The following RANBP2 variants were observed in gnomAD, a reference collection of about 807,000 sequenced individuals.
RANBP2 encodes the protein E3 SUMO-protein ligase RanBP2.
Under a neutral mutation model 303.6 loss-of-function variants are expected in RANBP2, and 57 were observed. The observed-to-expected ratio is 0.19, with a 90% CI of 0.15 to 0.23. The LOEUF (loss-of-function observed/expected upper bound fraction) is 0.23, where lower values mean the gene tolerates loss of function less well. RANBP2 is among the 10% of genes least tolerant of loss of function. RANBP2 has a pLI of 1.00. For missense variants in RANBP2, 3,138 were observed against 3,780.8 expected, an observed-to-expected ratio of 0.83 and a Z score of 4.46; for synonymous variants, 1,167 against 1,301.5, an observed-to-expected ratio of 0.90 and a Z score of 2.23.
chr2:109,043,372 T>G, the RANBP2 span, among the ~76,000 whole-genome samples: 1 of 152,226 alleles, frequency 6.6e-6, no homozygotes, highest in Non-Finnish European at 1.5e-5. Flanking sequence ...AGACGGAGTC[T>G]TCTTCTGTCC....
chr2:109,276,713 C>T, the RANBP2 span, among the ~76,000 whole-genome samples: 1 of 152,144 alleles, frequency 6.6e-6, no homozygotes, highest in Non-Finnish European at 1.5e-5. Context: ...TGTTTTAAAT[C>T]ACATTATTCC....
chr2:108,855,323 A>G, the RANBP2 span, among the ~76,000 whole-genome samples: 1 of 152,288 alleles, frequency 6.6e-6, no homozygotes, highest in South Asian at 2.1e-4. Context: ...TAGTCAGCCT[A>G]TTTTTAAAAA....
chr2:109,568,034 G>A, the RANBP2 span: 1 of 1,349,866 alleles, frequency 7.4e-7, no homozygotes, highest in African/African-American at 1.5e-5. Context: ...TAATCCTGCA[G>A]CTGTTTTTTC....
At chr2:109,466,795 A>ATCTATATGTGTGTATG in the RANBP2 span, among the ~76,000 whole-genome samples, 4,570 of 151,794 alleles carry the variant, frequency 0.03, 97 homozygotes, top group African/African-American at 0.053. Context: ...GCATGTGTGT[A>ATCTATATGTGTGTATG]TCTATATGTG....
the RANBP2 span, among the ~76,000 whole-genome samples, chr2:109,657,676 T>A: frequency 6.6e-6 from 1 of 150,672 alleles, no homozygotes; most frequent in Admixed American, 6.6e-5. Context: ...CAGAGGAAAC[T>A]GAACCGATGG....
chr2:108,929,340 C>G, the RANBP2 span: 51 of 1,614,022 alleles, frequency 3.2e-5, no homozygotes, highest in Non-Finnish European at 4.3e-5. Context: ...GGGCAGGGGA[C>G]GCAGCCGTAG....
chr2:109,152,408 A>G, the RANBP2 span, among the ~76,000 whole-genome samples: 1 of 152,226 alleles, frequency 6.6e-6, no homozygotes, highest in African/African-American at 2.4e-5. Flanking sequence ...AATCAAATAA[A>G]TAATTCTGGG....
the RANBP2 span, among the ~76,000 whole-genome samples, chr2:109,054,208 TCCCTGGAGC>T: frequency 6.6e-6 from 1 of 152,096 alleles, no homozygotes; most frequent in Non-Finnish European, 1.5e-5. Context: ...TTAACAGACC[TCCCTGGAGC>T]CCCTGCTTTT....
chr2:109,699,377 A>C, the RANBP2 span, among the ~76,000 whole-genome samples: 1 of 152,206 alleles, frequency 6.6e-6, no homozygotes, highest in Non-Finnish European at 1.5e-5. Context: ...CTCCCTGTGC[A>C]GTCAAAAATC....
chr2:109,522,889 G>T, the RANBP2 span, among the ~76,000 whole-genome samples: 1 of 152,214 alleles, frequency 6.6e-6, no homozygotes, highest in South Asian at 2.1e-4. Flanking sequence ...GGAGAGAGAA[G>T]AGTGCTTCAA....
rs1392255186 is a variant in RANBP2 at position 108,783,912 on chromosome 2, G to A, written c.*11G>A. 1.9e-6 allele frequency: 3 copies of A among 1,601,560 alleles called. No individual in the cohort carries two copies. The highest frequency in any genetic ancestry group is 2.6e-6 in the Non-Finnish European group (3 of 1,168,954). ...TGTGGACAGATATAAAATCATTGTTGTTCATAGAAAATTTCATCTGTATAA... is the reference window on the plus strand; with the variant it reads ...TGTGGACAGATATAAAATCATTGTTATTCATAGAAAATTTCATCTGTATAA... On this transcript the variant is annotated 3_prime_UTR_variant, in exon 29 of 29. Coordinates refer to ENST00000283195, the MANE Select transcript of RANBP2 (RefSeq NM_006267.5).
chr2:109,279,919 T>TG, the RANBP2 span, among the ~76,000 whole-genome samples: 1 of 150,894 alleles, frequency 6.6e-6, no homozygotes, highest in South Asian at 2.1e-4. Context: ...TGGGAGGTAA[T>TG]TGGGGGGCGG....
the RANBP2 span, among the ~76,000 whole-genome samples, chr2:109,459,815 A>G: frequency 6.6e-6 from 1 of 152,210 alleles, no homozygotes; most frequent in African/African-American, 2.4e-5. Context: ...GAGAACAAGA[A>G]GCAGACATTT....
the RANBP2 span, chr2:109,398,597 A>T: frequency 6.4e-7 from 1 of 1,562,680 alleles, no homozygotes; most frequent in South Asian, 1.2e-5. Context: ...CAGCTCAATG[A>T]CTCCGCCAAG....
chr2:109,194,785 G>T, the RANBP2 span, among the ~76,000 whole-genome samples: 18 of 152,190 alleles, frequency 1.2e-4, no homozygotes, highest in African/African-American at 4.3e-4. Context: ...GAATGTGGTT[G>T]TCAGGGCAAC....
At position 108,766,330 on chromosome 2, in the gene RANBP2, A is replaced by G. The variant is rs1174817826; in HGVS notation, c.5791A>G (p.Lys1931Glu). Reference protein sequence around the residue: ...GFQAQDISGQKNGRGVIFGQT... With the variant: ...GFQAQDISGQENGRGVIFGQT... ...CCAGGCTCAGGATATTAGTGGCCAG[A>G]AGAATGGCCGTGGTGTGATTTTTGG... The change falls in exon 20 of 29, where the codon AAG becomes GAG. Residue 1931 changes from lysine to glutamate, a missense_variant. By Grantham distance (56) the Lys-to-Glu change is moderately conservative (BLOSUM62 1). Around this residue, in one of 20 missense-constraint regions of RANBP2, gnomAD observed 348 missense variants for 360.4 expected, o/e 0.97. Transcript: ENST00000283195. The G allele has an allele frequency of 6.2e-7, 1 of 1,612,040 alleles. No homozygotes were observed. The highest frequency in any genetic ancestry group is 1.7e-5 in the Admixed American group (1 of 60,010).
At chr2:109,708,266 G>T in the RANBP2 span, among the ~76,000 whole-genome samples, 1 of 151,440 alleles carries the variant, frequency 6.6e-6, no homozygotes, top group Non-Finnish European at 1.5e-5. Context: ...CACGCCTGTA[G>T]TCCCAGCTAC....
In RANBP2 at chr2:108,764,468, C is replaced by G. The variant is rs754002174; in HGVS notation, c.3929C>G (p.Thr1310Arg). Residue 1310 changes from threonine (T) to arginine (R), a missense_variant, in exon 20 of 29, where the codon ACA (threonine) becomes AGA (arginine). Physicochemically the swap from Thr to Arg is moderately conservative, Grantham distance 71 (BLOSUM62 -1). Transcript: ENST00000283195. ...EAQSILKAPG[T>R]NVAMASNQAV... is the part of the protein sequence containing the mutation. ...CAGAGCATTTTAAAAGCCCCAGGAA[C>G]AAATGTAGCCATGGCGTCAAATCAG... The G allele has an allele frequency of 1.2e-6, 2 of 1,613,960 alleles. No homozygotes were observed. Among genetic ancestry groups the G allele is most frequent in the South Asian group, 1.1e-5 (1 of 91,080 alleles).
At chr2:109,022,767 T>C in the RANBP2 span, among the ~76,000 whole-genome samples, 1 of 152,160 alleles carries the variant, frequency 6.6e-6, no homozygotes, top group African/African-American at 2.4e-5. Context: ...AAAAGAATTA[T>C]TGGCTGGGCG....
Sources: allele counts gnomAD v4.1 joint callset (sites outside exome capture counted in the v4.1 genomes callset), GRCh38; gene constraint gnomAD v4.1.1; regional missense constraint gnomAD v4.1.1; transcripts MANE v1.5; gene names NCBI Gene and HGNC (gene_info 2026-07-23, HGNC 2026-07-21).